Variants in RABGAP1 observed in about 807,000 individuals in gnomAD.
The protein encoded by RABGAP1 is rab GTPase-activating protein 1.
RABGAP1 carries 23 observed loss-of-function variants against 137.6 expected under a neutral mutation model. That is an observed-to-expected ratio of 0.17 (90% CI 0.12 to 0.24). The LOEUF (loss-of-function observed/expected upper bound fraction) is 0.24. Ranked by LOEUF, RABGAP1 falls within the 10% of genes least tolerant of loss-of-function variation. The probability of loss-of-function intolerance (pLI) is 1.00; values close to 1 mark genes in which losing one functional copy is unlikely to be tolerated. For missense variants in RABGAP1, 906 were observed against 1,275.8 expected (o/e 0.71, Z 4.42); for synonymous variants, 451 against 450.7 (o/e 1.00, Z -0.01).
At chr9:123,088,190 A>G (rs1416550047) in intron 19 of RABGAP1, among the ~76,000 whole-genome samples, 2 of 151,912 alleles carry the variant, frequency 1.3e-5, no homozygotes, top group Non-Finnish European at 2.9e-5. Context: ...AGCTGGGACT[A>G]CAGGCACATG....
intron 13 of RABGAP1, among the ~76,000 whole-genome samples, chr9:123,027,168 G>T (rs1270483607): frequency 1.4e-5 from 2 of 144,052 alleles, no homozygotes; most frequent in African/African-American, 5.2e-5. Flanking sequence ...CCAGGCTGGA[G>T]TGCAGTGGCA....
At chr9:122,942,394 G>C (rs961560110) in intron 1 of RABGAP1, among the ~76,000 whole-genome samples, 2 of 152,064 alleles carry the variant, frequency 1.3e-5, no homozygotes, top group African/African-American at 4.8e-5. Context: ...CTGAAAATAG[G>C]GGCCGGGTGC....
chr9:123,070,494 G>A lies in RABGAP1; in HGVS notation c.1983+70G>A. 6.2e-7 allele frequency: 1 copy of A among 1,608,234 alleles called. No individual in the cohort carries two copies. Among genetic ancestry groups the A allele is most frequent in the Non-Finnish European group, 8.5e-7 (1 of 1,177,540 alleles). On this transcript the variant is annotated intron_variant, in intron 15 of 25. Coordinates refer to ENST00000373647, the MANE Select transcript of RABGAP1 (RefSeq NM_012197.4). This position sits in a 1 kb window ranked among gnomAD's most constrained non-coding sequence, Gnocchi z 4.4. ...CAGCTTATACTAACCTTAGGCTTGA[G>A]CATGGTTTTATATTGGGTTTGGACA...
intron 12 of RABGAP1, among the ~76,000 whole-genome samples, chr9:123,019,634 A>G (rs2031482331): frequency 6.6e-6 from 1 of 151,796 alleles, no homozygotes; most frequent in South Asian, 2.1e-4. Flanking sequence ...TTTGATGTAG[A>G]GCTAGGTTCT....
chr9:123,008,196 T>G (rs1238764305), intron 10 of RABGAP1, among the ~76,000 whole-genome samples: 1 of 152,138 alleles, frequency 6.6e-6, no homozygotes, highest in Non-Finnish European at 1.5e-5. Context: ...AGGCAGCGTG[T>G]CCTTTGGTCA....
At chr9:123,089,906 T>A in intron 20 of RABGAP1, 56 bp downstream of exon 20, 2 of 1,440,056 alleles carry the variant, frequency 1.4e-6, no homozygotes, top group Non-Finnish European at 1.9e-6. Flanking sequence ...TTTCATATGA[T>A]TGCGCCTGTA....
chr9:123,098,580 A>G (rs2132241229), intron 22 of RABGAP1, 135 bp from the exon 23 acceptor site: 1 of 640,736 alleles, frequency 1.6e-6, no homozygotes, highest in Non-Finnish European at 2.7e-6. Flanking sequence ...AGATTGAAGG[A>G]AGAAAGTAGC....
At chr9:122,937,247 A>G (rs73578775), upstream of RABGAP1, among the ~76,000 whole-genome samples, 6,416 of 152,332 alleles carry the variant, frequency 0.042, 411 homozygotes, top group African/African-American at 0.14. Context: ...AGAAGCCAAG[A>G]TAGATGTCTG....
In RABGAP1 at chr9:122,996,080, A is replaced by G. The variant is rs1478777543; in HGVS notation, c.963A>G (p.Leu321=). The G allele has an allele frequency of 4.3e-6, 7 of 1,613,564 alleles. No homozygotes were observed. The highest frequency in any genetic ancestry group is 5.9e-6 in the Non-Finnish European group (7 of 1,179,888). The part of the protein sequence containing the change: ...PKDKDRQCFK[L]RQGIDKKIVI... ...ATAAGGACAGACAGTGCTTTAAACT[A>G]CGCCAAGGAATTGATAAGAAGATTG... Residue 321 remains leucine, a synonymous_variant, in exon 7 of 26, where the codon CTA becomes CTG. Coordinates refer to ENST00000373647, the MANE Select transcript of RABGAP1 (RefSeq NM_012197.4).
rs544410127 is a variant in RABGAP1 at position 123,070,706 on chromosome 9, G to A, written c.1983+282G>A. ...TAATGTTGGTTGAACTCTTGGGGAC[G>A]TTTTATCTTCTCTAAAGTAGCCGCT... On this transcript the variant is annotated intron_variant, in intron 15 of 25. Transcript: ENST00000373647. This position sits in a 1 kb window ranked among gnomAD's most constrained non-coding sequence, Gnocchi z 4.4. Among the ~76,000 whole-genome samples, 4 of 152,244 alleles carry A rather than the reference G, an allele frequency of 2.6e-5. No homozygotes were observed. The highest frequency in any genetic ancestry group is 4.4e-5 in the Non-Finnish European group (3 of 67,994).
At chr9:123,008,501 T>C (rs1474400358) in intron 10 of RABGAP1, among the ~76,000 whole-genome samples, 2 of 144,906 alleles carry the variant, frequency 1.4e-5, no homozygotes, top group Non-Finnish European at 3.0e-5. Flanking sequence ...GCCGAGATCA[T>C]GCCATTGCAC....
chr9:123,007,373 C>CTTT (rs1298703088), intron 10 of RABGAP1, among the ~76,000 whole-genome samples: 2 of 112,762 alleles, frequency 1.8e-5, no homozygotes, highest in Non-Finnish European at 3.6e-5. Flanking sequence ...CTGAGCCTGG[C>CTTT]TTTTTTTTTT....
At chr9:122,965,142 G>C (rs528905823) in intron 2 of RABGAP1, among the ~76,000 whole-genome samples, 1 of 152,206 alleles carries the variant, frequency 6.6e-6, no homozygotes, top group South Asian at 2.1e-4. Context: ...AGTATACAAT[G>C]GAATATTATT....
chr9:123,072,282 G>T (rs2034381334), intron 15 of RABGAP1, among the ~76,000 whole-genome samples: 1 of 152,092 alleles, frequency 6.6e-6, no homozygotes, highest in Non-Finnish European at 1.5e-5. Context: ...AACCACTTTG[G>T]TTTTTCTTAA....
At chr9:122,999,963 T>A (rs949897788) in intron 10 of RABGAP1, among the ~76,000 whole-genome samples, 2 of 152,078 alleles carry the variant, frequency 1.3e-5, no homozygotes, top group Non-Finnish European at 2.9e-5. Context: ...ATTCAATGAA[T>A]TTTAAAAACA....
chr9:122,991,860 C>G (rs1478660203), intron 6 of RABGAP1, among the ~76,000 whole-genome samples: 2 of 151,928 alleles, frequency 1.3e-5, no homozygotes. Flanking sequence ...CTCAGCTTGT[C>G]AAAGTGTTGG....
At chr9:123,034,343 G>A (rs995410170) in intron 13 of RABGAP1, 2 of 563,906 alleles carry the variant, frequency 3.5e-6, no homozygotes, top group Non-Finnish European at 6.2e-6. Flanking sequence ...GTCTGGGACT[G>A]GCCAGACAAC....
chr9:123,029,251 G>A, intron 13 of RABGAP1: 2 of 480,750 alleles, frequency 4.2e-6, no homozygotes, highest in Non-Finnish European at 7.5e-6. Context: ...TGGAATGACA[G>A]TTACATAAAT....
At chr9:122,963,142 C>G (rs531689575) in intron 2 of RABGAP1, among the ~76,000 whole-genome samples, 1 of 152,274 alleles carries the variant, frequency 6.6e-6, no homozygotes, top group African/African-American at 2.4e-5. Context: ...GGCGTGGTGG[C>G]TGACTCCTGT....
Sources: allele counts gnomAD v4.1 joint callset (sites outside exome capture counted in the v4.1 genomes callset), GRCh38; gene constraint gnomAD v4.1.1; non-coding constraint Gnocchi (gnomAD v3.1); transcripts MANE v1.5; gene names NCBI Gene and HGNC (gene_info 2026-07-23, HGNC 2026-07-21).